TMEM117: variants seen among roughly 807,000 people sequenced by gnomAD.
TMEM117 encodes transmembrane protein 117.
A neutral mutation model predicts 52.4 loss-of-function variants in TMEM117; 27 were observed. The observed-to-expected ratio is 0.51, with a 90% confidence interval of 0.38 to 0.71. The LOEUF (loss-of-function observed/expected upper bound fraction) is 0.71. Ranked by LOEUF, TMEM117 falls within the 30% of genes least tolerant of loss-of-function variation. The pLI is 0.00. For missense variants in TMEM117, 556 were observed against 630.5 expected, an observed-to-expected ratio of 0.88 and a Z score of 1.26; for synonymous variants, 215 against 206.3, an observed-to-expected ratio of 1.04 and a Z score of -0.36.
At chr12:43,865,083 C>G (rs1012840798) in intron 2 of TMEM117, among the ~76,000 whole-genome samples, 2 of 152,140 alleles carry the variant, frequency 1.3e-5, no homozygotes, top group Non-Finnish European at 2.9e-5. Flanking sequence ...ATCCGAACAT[C>G]AGAAGGAAAC....
intron 4 of TMEM117, among the ~76,000 whole-genome samples, chr12:44,170,745 T>C (rs1949033735): frequency 6.6e-6 from 1 of 152,136 alleles, no homozygotes; most frequent in African/African-American, 2.4e-5. Flanking sequence ...AATTAATTAT[T>C]AAATTTTTAA....
chr12:43,953,608 A>C (rs780936260), intron 3 of TMEM117, among the ~76,000 whole-genome samples: 1 of 152,222 alleles, frequency 6.6e-6, no homozygotes, highest in Non-Finnish European at 1.5e-5. Context: ...TAACTATCCT[A>C]AATATATATG....
intron 5 of TMEM117, among the ~76,000 whole-genome samples, chr12:44,298,147 CA>C (rs1950792156): frequency 6.7e-6 from 1 of 150,272 alleles, no homozygotes; most frequent in African/African-American, 2.5e-5. Flanking sequence ...TAACTTGCCT[CA>C]AATAAGAAAT....
intron 6 of TMEM117, among the ~76,000 whole-genome samples, chr12:44,310,243 A>G (rs555816302): frequency 6.6e-6 from 1 of 152,366 alleles, no homozygotes; most frequent in East Asian, 1.9e-4. Context: ...CTATAGTAAT[A>G]TGACGGTATA....
rs553925770 is a variant in TMEM117, at chr12:43,874,309, G to A, written c.277+29381G>A. ...TAAAAAACATATTAAGGCTGGGCAT[G>A]GTGTCTCATGCCTGTTAGCCCAGCA... On this transcript the variant is annotated intron_variant, in intron 2 of 7. Transcript: ENST00000266534. Among the ~76,000 whole-genome samples the A allele has an allele frequency of 1.1e-4, 17 of 152,234 alleles. No individual in the cohort carries two copies. The South Asian group carries it at 3.5e-3, about 32-fold the overall frequency.
intron 2 of TMEM117, among the ~76,000 whole-genome samples, chr12:43,855,088 A>G (rs181227340): frequency 1.3e-5 from 2 of 152,340 alleles, no homozygotes; most frequent in South Asian, 2.1e-4. Flanking sequence ...ATGAAGTTGG[A>G]TAAGTAAAGA....
intron 3 of TMEM117, among the ~76,000 whole-genome samples, chr12:44,051,595 G>A (rs1946973676): frequency 1.3e-5 from 2 of 152,042 alleles, no homozygotes; most frequent in Non-Finnish European, 2.9e-5. Context: ...CCATTTAAAG[G>A]CATCTATTTA....
At chr12:44,168,557 A>G (rs879422516) in intron 4 of TMEM117, among the ~76,000 whole-genome samples, 2 of 152,160 alleles carry the variant, frequency 1.3e-5, no homozygotes, top group Non-Finnish European at 2.9e-5. Context: ...TTATTGTTGG[A>G]CATTTAGGCT....
At chr12:44,294,618 T>G (rs1253538798) in intron 5 of TMEM117, among the ~76,000 whole-genome samples, 1 of 152,200 alleles carries the variant, frequency 6.6e-6, no homozygotes, top group Non-Finnish European at 1.5e-5. Context: ...GGCTTCTCTT[T>G]GGCATATCCA....
chr12:43,883,772 A>C (rs1053126016), intron 2 of TMEM117, among the ~76,000 whole-genome samples: 103 of 148,828 alleles, frequency 6.9e-4, no homozygotes, highest in African/African-American at 2.1e-3. Context: ...AAAAAAAAAA[A>C]CAAAAAACAA....
chr12:43,928,299 T>A (rs1944814290), intron 2 of TMEM117, among the ~76,000 whole-genome samples: 1 of 151,980 alleles, frequency 6.6e-6, no homozygotes, highest in Admixed American at 6.6e-5. Context: ...TATTATTTTA[T>A]ATAAATAATG....
At chr12:44,167,457 A>C (rs779057445) in intron 4 of TMEM117, among the ~76,000 whole-genome samples, 2 of 152,240 alleles carry the variant, frequency 1.3e-5, no homozygotes. Flanking sequence ...TCAAGAGGCC[A>C]GGAGATCGAG....
At chr12:44,167,477 G>C (rs1184281115) in intron 4 of TMEM117, among the ~76,000 whole-genome samples, 3 of 152,004 alleles carry the variant, frequency 2.0e-5, no homozygotes, top group Non-Finnish European at 4.4e-5. Flanking sequence ...GACCATCCTG[G>C]CTAACACGGT....
At chr12:43,851,384 A>G (rs1943305415) in intron 2 of TMEM117, among the ~76,000 whole-genome samples, 1 of 152,072 alleles carries the variant, frequency 6.6e-6, no homozygotes, top group Non-Finnish European at 1.5e-5. Context: ...GGGTATTAGG[A>G]TTTATAAAAG....
chr12:44,104,342 A>G (rs574634069), intron 3 of TMEM117, among the ~76,000 whole-genome samples: 2 of 151,730 alleles, frequency 1.3e-5, no homozygotes, highest in East Asian at 3.9e-4. Flanking sequence ...TTTAACAAAT[A>G]TTTTGAGCAT....
At chr12:44,125,257 A>T (rs562018480) in intron 3 of TMEM117, among the ~76,000 whole-genome samples, 1 of 152,202 alleles carries the variant, frequency 6.6e-6, no homozygotes, top group East Asian at 1.9e-4. Context: ...GGCGTCCGCC[A>T]CCAAGCCCGG....
rs148373719 is a variant in TMEM117 at position 44,039,612 on chromosome 12, C to T, written c.410+95270C>T. Among the ~76,000 whole-genome samples the T allele has an allele frequency of 1.8e-4, 27 of 151,980 alleles. No homozygotes were observed. The East Asian group carries it at 4.8e-3, about 27-fold the overall frequency. Reference sequence around the variant, plus strand: ...ATGAAATGCAAAAGTATAACACATTCACAGATTAAAATTCCCCAAATTTGA... The same window carrying T: ...ATGAAATGCAAAAGTATAACACATTTACAGATTAAAATTCCCCAAATTTGA... On this transcript the variant is annotated intron_variant, in intron 3 of 7. Coordinates refer to ENST00000266534, the MANE Select transcript of TMEM117 (RefSeq NM_032256.3).
chr12:44,281,518 C>G (rs1003361302), intron 5 of TMEM117, among the ~76,000 whole-genome samples: 1 of 152,180 alleles, frequency 6.6e-6, no homozygotes, highest in Non-Finnish European at 1.5e-5. Flanking sequence ...AAAATTTTAT[C>G]AGAACCTTAT....
intron 5 of TMEM117, among the ~76,000 whole-genome samples, chr12:44,249,985 C>T (rs983916744): frequency 2.0e-5 from 3 of 152,048 alleles, no homozygotes; most frequent in African/African-American, 7.2e-5. Flanking sequence ...ATCCAAAATT[C>T]ACAAATGGGA....
Sources: gnomAD v4.1 joint callset for allele counts (sites outside exome capture counted in the v4.1 genomes callset) on GRCh38, gnomAD v4.1.1 for gene constraint, MANE v1.5 for transcripts, NCBI Gene and HGNC (gene_info 2026-07-23, HGNC 2026-07-21) for gene names.